The following CPE variants were observed in gnomAD, a reference collection of about 807,000 sequenced individuals.
CPE encodes carboxypeptidase E.
In CPE, 17 loss-of-function variants were observed where a neutral mutation model predicts 53.5. The observed-to-expected ratio is 0.32, with a 90% CI of 0.22 to 0.48. The LOEUF is 0.48. Ranked by LOEUF, CPE falls within the 20% of genes least tolerant of loss-of-function variation. The pLI is 0.99. For synonymous variants in CPE, 226 were observed against 228.8 expected (o/e 0.99, Z 0.11); for missense variants, 524 against 614.7 (o/e 0.85, Z 1.56).
intron 5 of CPE, among the ~76,000 whole-genome samples, chr4:165,486,852 T>A (rs1732513294): frequency 6.6e-6 from 1 of 152,154 alleles, no homozygotes; most frequent in Non-Finnish European, 1.5e-5. Flanking sequence ...CTCAAAATCA[T>A]CTTCGGAGAG....
chr4:165,401,953 T>C (rs911366440), intron 1 of CPE, among the ~76,000 whole-genome samples: 3 of 152,058 alleles, frequency 2.0e-5, no homozygotes, highest in Non-Finnish European at 2.9e-5. Context: ...CTGGCATAAT[T>C]TGATGAGGAC....
chr4:165,400,885 A>G (rs1276081657), intron 1 of CPE, among the ~76,000 whole-genome samples: 4 of 151,558 alleles, frequency 2.6e-5, no homozygotes, highest in African/African-American at 9.8e-5. Flanking sequence ...GGGTGACCTT[A>G]TGTCTTTGTT....
intron 3 of CPE, 122 bp downstream of exon 3, chr4:165,467,977 G>A: frequency 8.9e-7 from 1 of 1,120,724 alleles, no homozygotes; most frequent in East Asian, 2.7e-5. Flanking sequence ...GGTTAACTGT[G>A]GCTTTAAGTC....
intron 1 of CPE, among the ~76,000 whole-genome samples, chr4:165,442,047 GTT>G (rs1054878301): frequency 1.8e-5 from 1 of 57,136 alleles, no homozygotes; most frequent in Admixed American, 1.8e-4. Flanking sequence ...TTTTTTTTTT[GTT>G]TTTTTTTTTT....
intron 4 of CPE, among the ~76,000 whole-genome samples, chr4:165,483,042 G>C (rs1732442879): frequency 6.6e-6 from 1 of 151,238 alleles, no homozygotes; most frequent in Non-Finnish European, 1.5e-5. Flanking sequence ...ACCTGTGTAG[G>C]TTTGTTACAC....
At chr4:165,494,783 G>A (rs1732675971) in intron 7 of CPE, among the ~76,000 whole-genome samples, 1 of 152,220 alleles carries the variant, frequency 6.6e-6, no homozygotes, top group South Asian at 2.1e-4. Flanking sequence ...ATGATACGGT[G>A]ATGGGGGCTT....
chr4:165,496,259 GTC>G (rs1464310279), intron 8 of CPE, among the ~76,000 whole-genome samples: 1 of 152,164 alleles, frequency 6.6e-6, no homozygotes, highest in Non-Finnish European at 1.5e-5. Flanking sequence ...TTTCTTGAAA[GTC>G]TAAAAAGCTT....
intron 1 of CPE, chr4:165,404,562 CAT>C: frequency 1.1e-6 from 1 of 943,414 alleles, no homozygotes; most frequent in South Asian, 1.3e-5. Flanking sequence ...TCTTTGGCCA[CAT>C]GTTTCGCTAC....
intron 3 of CPE, among the ~76,000 whole-genome samples, chr4:165,476,943 A>G (rs1179623682): frequency 6.6e-6 from 1 of 152,192 alleles, no homozygotes; most frequent in Non-Finnish European, 1.5e-5. Flanking sequence ...TGTGTGGTAA[A>G]CCACGAGGGC....
At position 165,423,800 on chromosome 4, in the gene CPE, C is replaced by A. The variant is rs537166168; in HGVS notation, c.308-40590C>A. ...CAATGCTATCCCTCCCCCCTCCCCCCACCCCACAACAGTCCTCAGAGTGTG... is the reference window on the plus strand; with the variant it reads ...CAATGCTATCCCTCCCCCCTCCCCCAACCCCACAACAGTCCTCAGAGTGTG... On this transcript the variant is annotated intron_variant, in intron 1 of 8. Transcript: ENST00000402744. Among the ~76,000 whole-genome samples, 6 of 128,822 alleles carry A rather than the reference C, an allele frequency of 4.7e-5. No homozygotes were observed. The South Asian group carries it at 1.6e-3, about 33-fold the overall frequency. 84.5% of individuals were successfully genotyped at this position (128,822 alleles called of 152,430 possible). A position where few individuals can be genotyped will look rare whatever the true frequency, so the allele number is the denominator to read the frequency against.
Position 165,484,549 on chromosome 4 carries a change from C to T in CPE, c.918C>T (p.Asp306=). 3 of 1,614,150 alleles carry T rather than the reference C, an allele frequency of 1.9e-6. No individual in the cohort carries two copies. Among genetic ancestry groups the T allele is most frequent in the Non-Finnish European group, 2.5e-6 (3 of 1,179,998 alleles). Residue 306 remains aspartate, a synonymous_variant, in exon 5 of 9, where the codon GAC becomes GAT. Coordinates refer to ENST00000402744, the MANE Select transcript of CPE (RefSeq NM_001873.4). ...CACCATGTCGCAAGAATGATGATGA[C>T]AGCAGCTTTGTAGATGGAACCACCA... ...NRPPCRKNDD[D]SSFVDGTTNG... is the part of the protein sequence containing the mutation.
intron 1 of CPE, among the ~76,000 whole-genome samples, chr4:165,390,754 T>G (rs767650533): frequency 2.0e-5 from 3 of 152,180 alleles, no homozygotes; most frequent in Non-Finnish European, 2.9e-5. Flanking sequence ...TTTCAATTTC[T>G]AATTTCCTCT....
At position 165,379,031 on chromosome 4, in the gene CPE, GGCTTTGCC is replaced by G. The variant is rs1179271490; in HGVS notation, c.-190_-183del. On this transcript the variant is annotated 5_prime_UTR_variant, in exon 1 of 9. Transcript: ENST00000402744. The surrounding 1 kb of genome is among the most constrained non-coding windows in gnomAD (Gnocchi z 6.0). ...CCAGTAGTGCAGCCCGTGGAGCCGCGGCTTTGCCCGTCTCCTCTGGGTGGCCCCAGTGC... is the reference window on the plus strand; with the variant it reads ...CCAGTAGTGCAGCCCGTGGAGCCGCGCGTCTCCTCTGGGTGGCCCCAGTGC... 1 of 415,846 alleles carries G rather than the reference GGCTTTGCC, an allele frequency of 2.4e-6. No individual in the cohort carries two copies. Among genetic ancestry groups the G allele is most frequent in the Non-Finnish European group, 3.9e-6 (1 of 257,044 alleles). 25.8% of individuals were successfully genotyped at this position (415,846 alleles called of 1,614,324 possible). A position where few individuals can be genotyped will look rare whatever the true frequency, so the allele number is the denominator to read the frequency against.
rs376718657 is a variant in CPE at position 165,487,174 on chromosome 4, A to G, written c.974-264A>G. On this transcript the variant is annotated intron_variant, in intron 5 of 8. Coordinates refer to ENST00000402744, the MANE Select transcript of CPE (RefSeq NM_001873.4). ...CCGAAGCCCACTCCAGCAATGTGGA[A>G]GGTGGGTAATGTCTGCATTAGCACT... is the stretch of plus-strand genomic sequence containing the variant. Among the ~76,000 whole-genome samples, 20 of 152,332 alleles carry G rather than the reference A, an allele frequency of 1.3e-4. No homozygotes were observed. In the East Asian group the frequency reaches 3.5e-3, roughly 26 times the overall value.
chr4:165,464,650 GT>G, intron 2 of CPE, 64 bp downstream of exon 2: 2 of 1,364,634 alleles, frequency 1.5e-6, no homozygotes, highest in African/African-American at 1.5e-5. Context: ...GTACATACAT[GT>G]TTATCTAAAA....
chr4:165,470,357 C>G (rs138089363), intron 3 of CPE, among the ~76,000 whole-genome samples: 57 of 152,268 alleles, frequency 3.7e-4, no homozygotes, highest in African/African-American at 1.3e-3. Context: ...CCTCCTAGCA[C>G]TTGGTAGGCA....
rs150004403 is a variant in CPE, at chr4:165,438,132, C to T, written c.308-26258C>T. Among the ~76,000 whole-genome samples the T allele has an allele frequency of 4.0e-3, 611 of 152,080 alleles. 1 individual carries two copies. The highest frequency in any genetic ancestry group is 6.8e-3 in the Non-Finnish European group (462 of 67,976). On this transcript the variant is annotated intron_variant, in intron 1 of 8. Coordinates refer to ENST00000402744, the MANE Select transcript of CPE (RefSeq NM_001873.4). ...GAATATTTTAGAAAAATCACTCTGGCGATTGTGTGGAGGAGGCAAGATCAG... is the reference window on the plus strand; with the variant it reads ...GAATATTTTAGAAAAATCACTCTGGTGATTGTGTGGAGGAGGCAAGATCAG...
chr4:165,440,651 T>G (rs1731593337), intron 1 of CPE, among the ~76,000 whole-genome samples: 1 of 152,198 alleles, frequency 6.6e-6, no homozygotes, highest in Non-Finnish European at 1.5e-5. Context: ...TGAGTTCCTG[T>G]AGCCCTATAT....
At chr4:165,432,529 C>T (rs1435346671) in intron 1 of CPE, among the ~76,000 whole-genome samples, 3 of 152,142 alleles carry the variant, frequency 2.0e-5, no homozygotes, top group Admixed American at 1.3e-4. Flanking sequence ...CTCCTGGGCT[C>T]AAGCAATTCT....
Sources: gnomAD v4.1 joint callset for allele counts (sites outside exome capture counted in the v4.1 genomes callset) on GRCh38, gnomAD v4.1.1 for gene constraint, Gnocchi (gnomAD v3.1) non-coding constraint, MANE v1.5 for transcripts, NCBI Gene and HGNC (gene_info 2026-07-23, HGNC 2026-07-21) for gene names.